Variants in PTPRT observed in about 807,000 individuals in gnomAD.
PTPRT encodes receptor-type tyrosine-protein phosphatase T.
PTPRT carries 56 observed loss-of-function variants against 176.8 expected under a neutral mutation model. The ratio of observed to expected loss-of-function variants is 0.32; its 90% CI spans 0.26 to 0.40. The LOEUF (loss-of-function observed/expected upper bound fraction) is 0.40, where lower values mean the gene tolerates loss of function less well. Among genes scored for constraint, PTPRT ranks in the 10% least tolerant of loss-of-function variants. The pLI is 1.00. For synonymous variants in PTPRT, 783 were observed against 739.0 expected (o/e 1.06, Z -0.96); for missense variants, 1,540 against 1,908.2 (o/e 0.81, Z 3.60).
intron 7 of PTPRT, among the ~76,000 whole-genome samples, chr20:42,611,408 A>G (rs1600468946): frequency 6.6e-6 from 1 of 152,168 alleles, no homozygotes; most frequent in Non-Finnish European, 1.5e-5. Context: ...CATCTTCAGA[A>G]CGCTGCCATA....
At chr20:42,801,674 G>C (rs1046569704) in intron 2 of PTPRT, among the ~76,000 whole-genome samples, 10 of 152,172 alleles carry the variant, frequency 6.6e-5, no homozygotes, top group African/African-American at 2.2e-4. Context: ...ACCCAGACTT[G>C]ATTTGGGGGA....
intron 7 of PTPRT, among the ~76,000 whole-genome samples, chr20:42,544,552 C>A (rs2072640092): frequency 6.6e-6 from 1 of 152,146 alleles, no homozygotes; most frequent in Non-Finnish European, 1.5e-5. Flanking sequence ...CTCCTGTTGT[C>A]TGGAGCATAT....
chr20:42,372,542 C>T (rs921102333), intron 9 of PTPRT, among the ~76,000 whole-genome samples: 3 of 152,090 alleles, frequency 2.0e-5, no homozygotes, highest in Admixed American at 2.0e-4. Flanking sequence ...ACCTCAGCCT[C>T]CCAAAGTGCT....
At chr20:42,944,522 T>C (rs1980759978) in intron 1 of PTPRT, among the ~76,000 whole-genome samples, 1 of 152,168 alleles carries the variant, frequency 6.6e-6, no homozygotes. Context: ...TCCTCCAACC[T>C]TACCTGCAGC....
At chr20:42,712,806 C>T (rs1233441353) in intron 6 of PTPRT, among the ~76,000 whole-genome samples, 1 of 152,156 alleles carries the variant, frequency 6.6e-6, no homozygotes, top group Non-Finnish European at 1.5e-5. Flanking sequence ...TATGCTTGCA[C>T]AGTGAAATAA....
intron 1 of PTPRT, among the ~76,000 whole-genome samples, chr20:42,914,235 A>C (rs908520725): frequency 1.3e-5 from 2 of 152,176 alleles, no homozygotes; most frequent in Non-Finnish European, 2.9e-5. Flanking sequence ...ACTAAGTATG[A>C]GGCAAAAGGG....
At chr20:42,831,859 T>C (rs1337549856) in intron 2 of PTPRT, among the ~76,000 whole-genome samples, 3 of 152,298 alleles carry the variant, frequency 2.0e-5, no homozygotes, top group Admixed American at 6.5e-5. Context: ...ATGGCTATTA[T>C]TAAAAGTCAA....
At chr20:42,288,641 T>G (rs920554967) in intron 12 of PTPRT, among the ~76,000 whole-genome samples, 29 of 152,034 alleles carry the variant, frequency 1.9e-4, no homozygotes, top group Non-Finnish European at 1.5e-5. Context: ...TCTGCACTAA[T>G]TTTCTTAGGA....
chr20:42,787,021 G>T (rs2077301119), intron 3 of PTPRT, among the ~76,000 whole-genome samples: 1 of 152,142 alleles, frequency 6.6e-6, no homozygotes, highest in Admixed American at 6.5e-5. Flanking sequence ...ACACAGCTGG[G>T]TCCATTCATT....
intron 7 of PTPRT, among the ~76,000 whole-genome samples, chr20:42,572,639 A>G (rs188894411): frequency 1.3e-5 from 2 of 152,322 alleles, no homozygotes; most frequent in African/African-American, 4.8e-5. Flanking sequence ...GCATTCCCAT[A>G]CTGTATTCTT....
chr20:42,353,135 G>A (rs1047896866), intron 9 of PTPRT, among the ~76,000 whole-genome samples: 1 of 152,140 alleles, frequency 6.6e-6, no homozygotes, highest in Non-Finnish European at 1.5e-5. Flanking sequence ...CTTTTCATAA[G>A]TGCAGTAGCC....
At chr20:42,901,086 C>T (rs560193737) in intron 1 of PTPRT, among the ~76,000 whole-genome samples, 5 of 152,162 alleles carry the variant, frequency 3.3e-5, no homozygotes, top group Non-Finnish European at 5.9e-5. Flanking sequence ...CTTTCGACCC[C>T]CACATTCTCA....
chr20:42,077,599 G>T lies in PTPRT; in HGVS notation c.*3280C>A, dbSNP rs1183377520. 9.1e-6 allele frequency: 2 copies of T among 218,996 alleles called. No individual in the cohort carries two copies. The highest frequency in any genetic ancestry group is 1.8e-5 in the Non-Finnish European group (2 of 109,030). 13.6% of individuals were successfully genotyped at this position (218,996 alleles called of 1,614,324 possible). A position where few individuals can be genotyped will look rare whatever the true frequency, so the allele number is the denominator to read the frequency against. ...AAAATGTTCAAATTCCTGGGCACTG[G>T]TGCCCCATCTCATCCAAGCCTTGCC... On this transcript the variant is annotated 3_prime_UTR_variant, in exon 31 of 31. Coordinates refer to ENST00000373187, the MANE Select transcript of PTPRT (RefSeq NM_007050.6).
At chr20:43,081,463 T>G (rs1424696641) in intron 1 of PTPRT, among the ~76,000 whole-genome samples, 3 of 152,246 alleles carry the variant, frequency 2.0e-5, no homozygotes, top group Non-Finnish European at 2.9e-5. Context: ...GATATCTAAA[T>G]TGCTTCTATA....
intron 16 of PTPRT, among the ~76,000 whole-genome samples, chr20:42,179,084 TG>T (rs1990411744): frequency 6.6e-6 from 1 of 152,198 alleles, no homozygotes; most frequent in Non-Finnish European, 1.5e-5. Flanking sequence ...CAGGGATCAT[TG>T]GGGCCATCTT....
chr20:42,372,907 ATTTCTGTT>A (rs2058605795), intron 9 of PTPRT, among the ~76,000 whole-genome samples: 1 of 152,190 alleles, frequency 6.6e-6, no homozygotes, highest in Non-Finnish European at 1.5e-5. Context: ...GCAAGAAAAA[ATTTCTGTT>A]CTTTATAAGT....
chr20:42,230,243 G>A (rs2056106280), intron 15 of PTPRT, among the ~76,000 whole-genome samples: 1 of 152,172 alleles, frequency 6.6e-6, no homozygotes, highest in African/African-American at 2.4e-5. Context: ...ACAGAAACCA[G>A]CCCAGGTCAC....
chr20:42,139,395 A>G (rs1363945341), intron 18 of PTPRT, among the ~76,000 whole-genome samples: 1 of 152,208 alleles, frequency 6.6e-6, no homozygotes, highest in Non-Finnish European at 1.5e-5. Flanking sequence ...CAGTTTATGT[A>G]GGAGGAGACA....
chr20:42,402,727 G>T (rs532933993), intron 9 of PTPRT, among the ~76,000 whole-genome samples: 126 of 152,016 alleles, frequency 8.3e-4, no homozygotes, highest in African/African-American at 3.0e-3. Flanking sequence ...ATTTAATCTG[G>T]AGGAACTTGC....
Sources: allele counts gnomAD v4.1 joint callset (sites outside exome capture counted in the v4.1 genomes callset), GRCh38; gene constraint gnomAD v4.1.1; transcripts MANE v1.5; gene names NCBI Gene and HGNC (gene_info 2026-07-23, HGNC 2026-07-21).